Variants in SERGEF observed in about 807,000 individuals in gnomAD.
SERGEF encodes secretion regulating guanine nucleotide exchange factor, also known as secretion-regulating guanine nucleotide exchange factor.
A neutral mutation model predicts 50.0 loss-of-function variants in SERGEF; 51 were observed. The observed-to-expected ratio is 1.02, with a 90% CI of 0.81 to 1.29. SERGEF has a LOEUF of 1.29. SERGEF is among the 50% of genes most tolerant of loss of function. The probability of loss-of-function intolerance (pLI) is 0.00; values close to 1 mark genes in which losing one functional copy is unlikely to be tolerated. For synonymous variants in SERGEF, 205 were observed against 212.4 expected (o/e 0.97, Z 0.30); for missense variants, 521 against 557.0 (o/e 0.94, Z 0.65).
In SERGEF at chr11:18,001,023, A is replaced by C. The variant is rs1853949169; in HGVS notation, c.448-466T>G. 2.6e-5 allele frequency among the ~76,000 whole-genome samples: 4 copies of C among 152,152 alleles called. No homozygotes were observed. The South Asian group carries it at 8.3e-4, about 32-fold the overall frequency. The stretch of plus-strand genomic sequence containing the variant: ...ACATGATCTAGTCCAATCTCCATCC[A>C]ACAACACCCCACCAAGTGGTCATCC... On this transcript the variant is annotated intron_variant, in intron 4 of 10. Transcript: ENST00000265965.
chr11:17,814,837 G>A (rs1849936066), intron 10 of SERGEF, among the ~76,000 whole-genome samples: 1 of 152,158 alleles, frequency 6.6e-6, no homozygotes, highest in South Asian at 2.1e-4. Context: ...AAGGGAACTA[G>A]GAGTATGAAC....
chr11:17,966,279 T>C (rs1279447573), intron 8 of SERGEF, among the ~76,000 whole-genome samples: 1 of 152,124 alleles, frequency 6.6e-6, no homozygotes, highest in African/African-American at 2.4e-5. Flanking sequence ...AGAAGAAAGA[T>C]GAAGCAAGAT....
In SERGEF at chr11:17,959,543, T is replaced by A. The variant is rs764474717; in HGVS notation, c.938A>T (p.Asp313Val). The A allele has an allele frequency of 6.8e-6, 11 of 1,614,012 alleles. No homozygotes were observed. The highest frequency in any genetic ancestry group is 8.5e-6 in the Non-Finnish European group (10 of 1,179,892). The part of the protein sequence containing the change: ...TYEGWKLEKQ[D>V]SFLPCSRPPN... ...TGGTCTTGAACAGGGGAGAAATGAA[T>A]CTTGCTTTTCTAGTTTCCAGCCTTC... Residue 313 changes from aspartate to valine, a missense_variant, in exon 9 of 11, where the codon GAT becomes GTT. Physicochemically the swap from Asp to Val is radical, Grantham distance 152. Transcript: ENST00000265965.
intron 9 of SERGEF, among the ~76,000 whole-genome samples, chr11:17,913,130 G>A: frequency 6.6e-6 from 1 of 152,216 alleles, no homozygotes; most frequent in East Asian, 1.9e-4. Context: ...CTTTTGGGTA[G>A]TATATGACCC....
At chr11:17,922,949 G>A (rs1852186370) in intron 9 of SERGEF, among the ~76,000 whole-genome samples, 1 of 152,148 alleles carries the variant, frequency 6.6e-6, no homozygotes. Flanking sequence ...CCTAGTCTCT[G>A]CTGGTTTGAA....
intron 9 of SERGEF, among the ~76,000 whole-genome samples, chr11:17,918,132 C>T (rs566078126): frequency 6.6e-6 from 1 of 152,206 alleles, no homozygotes; most frequent in South Asian, 2.1e-4. Flanking sequence ...CTGTATGACC[C>T]GAAGTCTGTG....
At chr11:17,943,896 G>A (rs117147437) in intron 9 of SERGEF, among the ~76,000 whole-genome samples, 3,229 of 152,070 alleles carry the variant, frequency 0.021, 47 homozygotes, top group Middle Eastern at 0.037. Context: ...AGCTTTGCTC[G>A]CTATATCCCC....
At chr11:17,829,298 A>T (rs1298093320) in intron 10 of SERGEF, among the ~76,000 whole-genome samples, 1 of 152,208 alleles carries the variant, frequency 6.6e-6, no homozygotes, top group Non-Finnish European at 1.5e-5. Context: ...ATTACCAGGG[A>T]ATACTGCTAA....
intron 10 of SERGEF, among the ~76,000 whole-genome samples, chr11:17,792,368 G>C (rs1849496328): frequency 6.6e-6 from 1 of 152,228 alleles, no homozygotes; most frequent in Admixed American, 6.5e-5. Flanking sequence ...TCGGCACCTG[G>C]TATGGGCTTT....
chr11:17,973,674 T>C (rs1290796184), intron 8 of SERGEF, among the ~76,000 whole-genome samples: 8 of 152,124 alleles, frequency 5.3e-5, no homozygotes. Context: ...CTGTCCCAGG[T>C]TCTTCAAGAG....
intron 9 of SERGEF, among the ~76,000 whole-genome samples, chr11:17,951,101 T>C (rs1852765460): frequency 6.6e-6 from 1 of 152,166 alleles, no homozygotes; most frequent in African/African-American, 2.4e-5. Flanking sequence ...TTCTAAGAAG[T>C]GTTTACAAGA....
At chr11:17,852,739 C>A (rs554138426) in intron 10 of SERGEF, among the ~76,000 whole-genome samples, 1 of 152,298 alleles carries the variant, frequency 6.6e-6, no homozygotes, top group South Asian at 2.1e-4. Context: ...ACTTTCCTAG[C>A]AATTTATTCA....
At chr11:17,998,026 C>T (rs879925246) in intron 5 of SERGEF, among the ~76,000 whole-genome samples, 8 of 151,808 alleles carry the variant, frequency 5.3e-5, no homozygotes, top group Non-Finnish European at 1.0e-4. Flanking sequence ...CTGTAAACTA[C>T]GTATATTTTA....
intron 1 of SERGEF, chr11:18,012,529 G>A (rs1008856604): frequency 2.6e-5 from 29 of 1,127,140 alleles, no homozygotes; most frequent in Middle Eastern, 4.0e-4. Flanking sequence ...GCCAGGCTGG[G>A]ACAGGGTCTC....
chr11:17,938,712 C>G (rs1293882752), intron 9 of SERGEF, among the ~76,000 whole-genome samples: 1 of 152,122 alleles, frequency 6.6e-6, no homozygotes, highest in East Asian at 1.9e-4. Flanking sequence ...AGCAAGCAAA[C>G]AGAAAAAGAC....
intron 10 of SERGEF, among the ~76,000 whole-genome samples, chr11:17,845,334 T>C (rs920823570): frequency 8.5e-5 from 13 of 152,214 alleles, no homozygotes; most frequent in African/African-American, 3.1e-4. Context: ...GCCCTGGGGC[T>C]GATAAGGAAA....
chr11:17,887,393 T>A (rs547754779), intron 9 of SERGEF, among the ~76,000 whole-genome samples: 1 of 152,182 alleles, frequency 6.6e-6, no homozygotes, highest in African/African-American at 2.4e-5. Flanking sequence ...TTACTTAAGT[T>A]ACTCAGTACT....
chr11:17,880,900 G>T (rs1390373545), intron 9 of SERGEF, among the ~76,000 whole-genome samples: 1 of 152,140 alleles, frequency 6.6e-6, no homozygotes, highest in East Asian at 1.9e-4. Context: ...AGTAGTGGTG[G>T]CTAGGGCAAC....
At chr11:17,898,237 T>A (rs1056390057) in intron 9 of SERGEF, among the ~76,000 whole-genome samples, 2 of 152,200 alleles carry the variant, frequency 1.3e-5, no homozygotes, top group African/African-American at 4.8e-5. Context: ...AGCTCTAAAG[T>A]GAAGCTGTGA....
Sources: gnomAD v4.1 joint callset for allele counts (sites outside exome capture counted in the v4.1 genomes callset) on GRCh38, gnomAD v4.1.1 for gene constraint, MANE v1.5 for transcripts, NCBI Gene and HGNC (gene_info 2026-07-23, HGNC 2026-07-21) for gene names.